Variants in NALCN observed in about 807,000 individuals in gnomAD.
NALCN encodes the protein sodium leak channel NALCN.
NALCN carries 111 observed loss-of-function variants against 225.3 expected under a neutral mutation model. The observed-to-expected ratio is 0.49, with a 90% CI of 0.42 to 0.58. NALCN has a LOEUF of 0.58. Among genes scored for constraint, NALCN ranks in the 20% least tolerant of loss-of-function variants. The probability of loss-of-function intolerance (pLI) is 0.00; values close to 1 mark genes in which losing one functional copy is unlikely to be tolerated. For synonymous variants in NALCN, 764 were observed against 769.0 expected (o/e 0.99, Z 0.11); for missense variants, 1,378 against 2,202.4 (o/e 0.63, Z 7.49).
At position 101,229,665 on chromosome 13, in the gene NALCN, ATTATT is replaced by A. The variant is rs67852428; in HGVS notation, c.1435-86_1435-82del. 0.33 allele frequency: 370,546 copies of A among 1,128,998 alleles called. 66,751 individuals are homozygous for A. The highest frequency in any genetic ancestry group is 0.36 in the Non-Finnish European group (304,151 of 840,414). The allele number at this position is 1,128,998 out of a possible 1,614,324, so 69.9% of individuals were successfully genotyped here. On this transcript the variant is annotated intron_variant, in intron 12 of 43. Coordinates refer to ENST00000251127, the MANE Select transcript of NALCN (RefSeq NM_052867.4). ...ATCTTAAATATATTCATACTAAAAT[ATTATT>A]TTATAGTGCTTTATGAAAATCATAC...
At position 101,058,029 on chromosome 13, in the gene NALCN, G is replaced by A; in HGVS notation, c.4933C>T (p.Pro1645Ser). 1 of 1,613,364 alleles carries A rather than the reference G, an allele frequency of 6.2e-7. No homozygotes were observed. Among genetic ancestry groups the A allele is most frequent in the Non-Finnish European group, 8.5e-7 (1 of 1,180,010 alleles). Reference protein sequence around the residue: ...ETSSQQQLLSPTLSDRGGSRQ... With the variant: ...ETSSQQQLLSSTLSDRGGSRQ... Reference sequence around the variant, plus strand: ...CTTCCTCCTCGATCCGACAGCGTGGGGCTCAGGAGCTGCTGCTGGCTGCTT... The same window carrying A: ...CTTCCTCCTCGATCCGACAGCGTGGAGCTCAGGAGCTGCTGCTGGCTGCTT... Residue 1645 changes from proline to serine, a missense_variant, in exon 43 of 44, where the codon CCC becomes TCC. By Grantham distance (74) the Pro-to-Ser change is moderately conservative. Around this residue, in one of 19 missense-constraint regions of NALCN, gnomAD observed 145 missense variants for 169.6 expected, o/e 0.85. Transcript: ENST00000251127.
At chr13:101,387,138 G>A (rs1044111062) in intron 3 of NALCN, among the ~76,000 whole-genome samples, 1 of 148,020 alleles carries the variant, frequency 6.8e-6, no homozygotes, top group Non-Finnish European at 1.5e-5. Flanking sequence ...GGAGAATGGC[G>A]TGAACCCGGG....
intron 17 of NALCN, among the ~76,000 whole-genome samples, chr13:101,127,252 T>C (rs2036278939): frequency 6.6e-6 from 1 of 152,222 alleles, no homozygotes; most frequent in African/African-American, 2.4e-5. Flanking sequence ...CAGTATTAAT[T>C]CATACAGGAG....
chr13:101,166,917 C>T (rs1261984206), intron 15 of NALCN, among the ~76,000 whole-genome samples: 1 of 152,116 alleles, frequency 6.6e-6, no homozygotes, highest in Non-Finnish European at 1.5e-5. Flanking sequence ...AAGGGCCAAA[C>T]TTCATTCTTT....
intron 37 of NALCN, among the ~76,000 whole-genome samples, chr13:101,070,594 G>A (rs2032804248): frequency 6.6e-6 from 1 of 152,210 alleles, no homozygotes; most frequent in Non-Finnish European, 1.5e-5. Flanking sequence ...TACATCTCCT[G>A]ATACAGCTCT....
At chr13:101,311,721 T>G (rs1380085835) in intron 7 of NALCN, among the ~76,000 whole-genome samples, 1 of 152,156 alleles carries the variant, frequency 6.6e-6, no homozygotes, top group Non-Finnish European at 1.5e-5. Flanking sequence ...CACCTGATCA[T>G]GGTGGATAAG....
At chr13:101,140,117 G>A (rs1394042697) in intron 17 of NALCN, among the ~76,000 whole-genome samples, 1 of 152,144 alleles carries the variant, frequency 6.6e-6, no homozygotes, top group Non-Finnish European at 1.5e-5. Context: ...CAGTTGTCTT[G>A]CCACTCCCAT....
At chr13:101,078,671 G>C (rs960159072) in intron 34 of NALCN, among the ~76,000 whole-genome samples, 2 of 152,174 alleles carry the variant, frequency 1.3e-5, no homozygotes, top group African/African-American at 4.8e-5. Context: ...ATAGGCAGCA[G>C]AAACTTTCCT....
chr13:101,196,911 C>G (rs190935161), intron 13 of NALCN, among the ~76,000 whole-genome samples: 1 of 152,242 alleles, frequency 6.6e-6, no homozygotes, highest in Non-Finnish European at 1.5e-5. Context: ...CCCTCTTTAT[C>G]CTGAGCTTCC....
At chr13:101,303,031 A>G (rs968607111) in intron 7 of NALCN, among the ~76,000 whole-genome samples, 2 of 152,216 alleles carry the variant, frequency 1.3e-5, no homozygotes, top group African/African-American at 4.8e-5. Context: ...AATGTAGACC[A>G]GAACTCTACA....
At chr13:101,129,914 C>T (rs1356711370) in intron 17 of NALCN, among the ~76,000 whole-genome samples, 3 of 151,850 alleles carry the variant, frequency 2.0e-5, no homozygotes, top group Non-Finnish European at 4.4e-5. Context: ...GTTCCCCTCC[C>T]TGTGCCCATA....
At chr13:101,281,062 G>A (rs1183577925) in intron 10 of NALCN, among the ~76,000 whole-genome samples, 1 of 151,990 alleles carries the variant, frequency 6.6e-6, no homozygotes, top group Non-Finnish European at 1.5e-5. Context: ...TGGATTTTTA[G>A]TAGAGATGGG....
At chr13:101,064,858 G>A (rs983114478) in intron 40 of NALCN, among the ~76,000 whole-genome samples, 1 of 152,164 alleles carries the variant, frequency 6.6e-6, no homozygotes, top group South Asian at 2.1e-4. Context: ...AGTCTCCCAG[G>A]AAGAAGAAAA....
At chr13:101,214,511 T>C (rs1225200316) in intron 13 of NALCN, among the ~76,000 whole-genome samples, 2 of 152,066 alleles carry the variant, frequency 1.3e-5, no homozygotes, top group African/African-American at 4.8e-5. Flanking sequence ...AATTTATTAG[T>C]GAACCTCAGT....
At chr13:101,124,990 T>C (rs531779628) in intron 17 of NALCN, among the ~76,000 whole-genome samples, 1 of 152,260 alleles carries the variant, frequency 6.6e-6, no homozygotes, top group East Asian at 1.9e-4. Flanking sequence ...GACTCCTTAT[T>C]TGTCTTTGAT....
chr13:101,161,004 G>A (rs142671118), intron 15 of NALCN, among the ~76,000 whole-genome samples: 1 of 152,306 alleles, frequency 6.6e-6, no homozygotes, highest in East Asian at 1.9e-4. Context: ...GTTATTAAAT[G>A]TTGCTCTTCC....
rs1183837669 is a variant in NALCN at position 101,068,041 on chromosome 13, A to G, written c.4331-8T>C. ...AATTCTCCACAATTATGGCTTTTAA[A>G]AAAAGAAAAATTCAGAAGTTAGACC... On this transcript the variant is annotated splice_region_variant and splice_polypyrimidine_tract_variant and intron_variant, in intron 38 of 43. Transcript: ENST00000251127. 6 of 1,539,548 alleles carry G rather than the reference A, an allele frequency of 3.9e-6. No individual in the cohort carries two copies. The African/African-American group carries it at 8.3e-5, about 21-fold the overall frequency.
Position 101,292,456 on chromosome 13 carries a change from C to T in NALCN, c.800-90G>A, listed in dbSNP as rs1303710494. 1.5e-6 allele frequency: 2 copies of T among 1,348,172 alleles called. No individual in the cohort carries two copies. The highest frequency in any genetic ancestry group is 2.0e-6 in the Non-Finnish European group (2 of 999,908). The allele number at this position is 1,348,172 out of a possible 1,614,324, so 83.5% of individuals were successfully genotyped here. ...GAAAAACAATCAATATTTATCCATA[C>T]TTATTTTCTCAATGACAAAAGTGCT... On this transcript the variant is annotated intron_variant, in intron 7 of 43. Transcript: ENST00000251127. The surrounding 1 kb of genome is among the most constrained non-coding windows in gnomAD (Gnocchi z 4.3).
chr13:101,323,408 T>C (rs1432260628), intron 7 of NALCN, among the ~76,000 whole-genome samples: 1 of 152,226 alleles, frequency 6.6e-6, no homozygotes, highest in Non-Finnish European at 1.5e-5. Context: ...TGTACTGAAT[T>C]TGCTATGTGA....
Sources: gnomAD v4.1 joint callset for allele counts (sites outside exome capture counted in the v4.1 genomes callset) on GRCh38, gnomAD v4.1.1 for gene constraint, gnomAD v4.1.1 regional missense constraint, Gnocchi (gnomAD v3.1) non-coding constraint, MANE v1.5 for transcripts, NCBI Gene and HGNC (gene_info 2026-07-23, HGNC 2026-07-21) for gene names.